KRABD5: variants seen among roughly 807,000 people sequenced by gnomAD.
The protein encoded by KRABD5 is KRAB domain containing 5, also known as KRAB domain-containing protein 5.
At chr16:31,760,850 T>A in the KRABD5 span, 1 of 152,214 alleles carries the variant, frequency 6.6e-6, no homozygotes. Context: ...GGGCCTTGAT[T>A]TCCTAAACTC....
the KRABD5 span, chr16:31,757,584 C>T: frequency 2.0e-5 from 3 of 152,182 alleles, no homozygotes; most frequent in African/African-American, 7.2e-5. Context: ...TGCTGTAAGA[C>T]TACACAAATG....
the KRABD5 span, among the ~76,000 whole-genome samples, chr16:31,721,788 C>T: frequency 2.0e-5 from 3 of 152,212 alleles, no homozygotes; most frequent in Non-Finnish European, 4.4e-5. Context: ...AACCTCTCTG[C>T]TATTCAAAAG....
At chr16:31,742,304 C>T in the KRABD5 span, among the ~76,000 whole-genome samples, 1 of 151,834 alleles carries the variant, frequency 6.6e-6, no homozygotes, top group South Asian at 2.1e-4. Flanking sequence ...TATGTTCCTT[C>T]CCCTCACCCA....
chr16:31,719,882 C>T, the KRABD5 span, among the ~76,000 whole-genome samples: 1 of 152,198 alleles, frequency 6.6e-6, no homozygotes, highest in Non-Finnish European at 1.5e-5. Flanking sequence ...GTAACAAAGT[C>T]AATGTAAAGA....
the KRABD5 span, among the ~76,000 whole-genome samples, chr16:31,742,050 T>C: frequency 6.6e-6 from 1 of 152,174 alleles, no homozygotes; most frequent in Non-Finnish European, 1.5e-5. Context: ...GGGAGTCCTT[T>C]CACTATTGCT....
chr16:31,724,731 G>A, the KRABD5 span, among the ~76,000 whole-genome samples: 1 of 151,252 alleles, frequency 6.6e-6, no homozygotes, highest in Non-Finnish European at 1.5e-5. Context: ...TACTGTGTTA[G>A]CAAATCTCAA....
At chr16:31,747,682 G>C in the KRABD5 span, among the ~76,000 whole-genome samples, 84 of 152,220 alleles carry the variant, frequency 5.5e-4, no homozygotes, top group African/African-American at 1.8e-3. Context: ...GATCGCCATT[G>C]TAACTGGTGT....
chr16:31,718,523 G>A, the KRABD5 span, among the ~76,000 whole-genome samples: 1 of 152,182 alleles, frequency 6.6e-6, no homozygotes, highest in Non-Finnish European at 1.5e-5. Context: ...AGAACATGGT[G>A]GCAGAATCTG....
chr16:31,728,792 T>C, the KRABD5 span, among the ~76,000 whole-genome samples: 1 of 152,236 alleles, frequency 6.6e-6, no homozygotes, highest in Non-Finnish European at 1.5e-5. Flanking sequence ...TGGGATGTTA[T>C]ATGTACATTT....
the KRABD5 span, chr16:31,759,152 T>C: frequency 4.3e-6 from 2 of 469,704 alleles, no homozygotes; most frequent in Admixed American, 7.6e-5. Context: ...TATTTATGTA[T>C]CTTTTAGTCA....
the KRABD5 span, among the ~76,000 whole-genome samples, chr16:31,740,515 A>C: frequency 6.6e-6 from 1 of 152,114 alleles, no homozygotes; most frequent in African/African-American, 2.4e-5. Context: ...GCATCTTTAA[A>C]ATAGATATTT....
chr16:31,718,732 C>T, the KRABD5 span, among the ~76,000 whole-genome samples: 1 of 152,194 alleles, frequency 6.6e-6, no homozygotes, highest in Non-Finnish European at 1.5e-5. Flanking sequence ...GGCAGTTCCA[C>T]TTTGTATCCT....
At chr16:31,731,797 A>G in the KRABD5 span, among the ~76,000 whole-genome samples, 2 of 152,238 alleles carry the variant, frequency 1.3e-5, no homozygotes, top group African/African-American at 2.4e-5. Context: ...CTGTGGCTGC[A>G]TGAAACTGAA....
At chr16:31,726,035 G>A in the KRABD5 span, among the ~76,000 whole-genome samples, 112 of 152,260 alleles carry the variant, frequency 7.4e-4, no homozygotes, top group Admixed American at 1.5e-3. Flanking sequence ...TTTTTGGTGT[G>A]AAATCTAAAA....
chr16:31,732,435 A>T, the KRABD5 span, among the ~76,000 whole-genome samples: 1 of 152,244 alleles, frequency 6.6e-6, no homozygotes, highest in Non-Finnish European at 1.5e-5. Flanking sequence ...ATTGTATAAG[A>T]TGTAAATTAG....
At chr16:31,733,008 T>G in the KRABD5 span, among the ~76,000 whole-genome samples, 3 of 152,188 alleles carry the variant, frequency 2.0e-5, no homozygotes, top group Non-Finnish European at 4.4e-5. Flanking sequence ...TGTGTTTCTT[T>G]TTTTTCAGAT....
At chr16:31,745,695 G>C in the KRABD5 span, among the ~76,000 whole-genome samples, 1 of 151,856 alleles carries the variant, frequency 6.6e-6, no homozygotes, top group Non-Finnish European at 1.5e-5. Context: ...CTGTCTTGTT[G>C]ATCTGTCTAA....
the KRABD5 span, among the ~76,000 whole-genome samples, chr16:31,716,269 G>C: frequency 6.6e-6 from 1 of 152,228 alleles, no homozygotes; most frequent in Non-Finnish European, 1.5e-5. Flanking sequence ...ACAGGAGTAA[G>C]TCAGAGCATA....
At chr16:31,733,956 T>G in the KRABD5 span, among the ~76,000 whole-genome samples, 1 of 152,212 alleles carries the variant, frequency 6.6e-6, no homozygotes, top group South Asian at 2.1e-4. Flanking sequence ...TTTTGTTGCC[T>G]CATCCTTTGA....
Sources: gnomAD v4.1 joint callset for allele counts (sites outside exome capture counted in the v4.1 genomes callset) on GRCh38, gnomAD v4.1.1 for gene constraint, MANE v1.5 for transcripts, NCBI Gene and HGNC (gene_info 2026-07-23, HGNC 2026-07-21) for gene names.